Variants in ZFHX3 observed in about 807,000 individuals in gnomAD.
ZFHX3 encodes zinc finger homeobox protein 3.
In ZFHX3, 42 loss-of-function variants were observed where a neutral mutation model predicts 279.1. The observed-to-expected ratio is 0.15, with a 90% CI of 0.12 to 0.19. The LOEUF is 0.19. Ranked by LOEUF, ZFHX3 falls within the 10% of genes least tolerant of loss-of-function variation. The pLI is 1.00. For missense variants in ZFHX3, 4,981 were observed against 4,754.0 expected, an observed-to-expected ratio of 1.05 and a Z score of -1.40; for synonymous variants, 2,293 against 1,957.8, an observed-to-expected ratio of 1.17 and a Z score of -4.52.
chr16:73,261,693 A>T (rs1485909167), intron 4 of ZFHX3, among the ~76,000 whole-genome samples: 241 of 25,612 alleles, frequency 9.4e-3, no homozygotes, highest in Non-Finnish European at 0.016. Context: ...TTTTTTTTTT[A>T]GGACAGAGTT....
At chr16:73,726,485 T>C (rs1015650668) in intron 1 of ZFHX3, among the ~76,000 whole-genome samples, 4 of 152,174 alleles carry the variant, frequency 2.6e-5, no homozygotes, top group Non-Finnish European at 5.9e-5. Context: ...TTGTAGGATG[T>C]TTAAAGCTAT....
At chr16:73,326,136 C>A (rs2015684072) in intron 3 of ZFHX3, among the ~76,000 whole-genome samples, 1 of 152,190 alleles carries the variant, frequency 6.6e-6, no homozygotes, top group South Asian at 2.1e-4. Flanking sequence ...TGCCCATGGT[C>A]TCAGGGTCTG....
At chr16:73,467,928 C>T (rs2018600941) in intron 2 of ZFHX3, among the ~76,000 whole-genome samples, 1 of 152,160 alleles carries the variant, frequency 6.6e-6, no homozygotes, top group Non-Finnish European at 1.5e-5. Flanking sequence ...AGCTATGAAC[C>T]CAGCCTGTGG....
chr16:72,931,190 T>C (rs1310194969), intron 3 of ZFHX3, among the ~76,000 whole-genome samples: 1 of 152,182 alleles, frequency 6.6e-6, no homozygotes, highest in Non-Finnish European at 1.5e-5. Context: ...TTTTCAAGTA[T>C]ACTTTCCAGA....
intron 1 of ZFHX3, among the ~76,000 whole-genome samples, chr16:73,732,020 A>G (rs770107839): frequency 2.6e-5 from 4 of 152,206 alleles, no homozygotes; most frequent in African/African-American, 4.8e-5. Flanking sequence ...GCATGTTTTT[A>G]TTTGTAGCAA....
At chr16:73,337,619 G>T (rs1205842145) in intron 3 of ZFHX3, among the ~76,000 whole-genome samples, 2 of 151,768 alleles carry the variant, frequency 1.3e-5, no homozygotes, top group African/African-American at 4.8e-5. Context: ...CTCCATCCCT[G>T]CTTGCCATTA....
chr16:73,621,578 G>T (rs77706802), intron 2 of ZFHX3, among the ~76,000 whole-genome samples: 11,373 of 152,226 alleles, frequency 0.075, 471 homozygotes, highest in Non-Finnish European at 0.085. Context: ...GGCTAGCACA[G>T]CATCGGGGAG....
At chr16:73,333,616 T>C (rs1479690074) in intron 3 of ZFHX3, among the ~76,000 whole-genome samples, 1 of 150,652 alleles carries the variant, frequency 6.6e-6, no homozygotes, top group African/African-American at 2.4e-5. Context: ...ATAACGAGGG[T>C]GGATGTGTGG....
At chr16:73,546,845 G>A (rs1164840551) in intron 2 of ZFHX3, among the ~76,000 whole-genome samples, 1 of 151,930 alleles carries the variant, frequency 6.6e-6, no homozygotes, top group Admixed American at 6.6e-5. Flanking sequence ...GGGAGGCAGA[G>A]CAGAGACTGT....
At chr16:73,556,993 G>C (rs1292103795) in intron 2 of ZFHX3, among the ~76,000 whole-genome samples, 2 of 150,634 alleles carry the variant, frequency 1.3e-5, no homozygotes, top group Admixed American at 6.7e-5. Context: ...TACTCAGGAG[G>C]CTGAGGCAGG....
chr16:72,831,340 T>A (rs904088145), intron 4 of ZFHX3, among the ~76,000 whole-genome samples: 1 of 152,154 alleles, frequency 6.6e-6, no homozygotes, highest in Non-Finnish European at 1.5e-5. Flanking sequence ...AGGGAGTTTA[T>A]GAGGCAGTCA....
intron 5 of ZFHX3, among the ~76,000 whole-genome samples, chr16:73,229,926 G>A (rs1181482898): frequency 6.6e-6 from 1 of 152,112 alleles, no homozygotes; most frequent in Non-Finnish European, 1.5e-5. Flanking sequence ...AAGTAAAAAG[G>A]GATTGGTAAC....
chr16:73,033,144 G>A (rs1191906766), intron 1 of ZFHX3, among the ~76,000 whole-genome samples: 1 of 152,138 alleles, frequency 6.6e-6, no homozygotes, highest in Non-Finnish European at 1.5e-5. Context: ...TCCATGGACA[G>A]GTGACCTCAG....
intron 6 of ZFHX3, among the ~76,000 whole-genome samples, chr16:73,142,823 ATAC>A (rs1966851051): frequency 6.6e-6 from 1 of 152,214 alleles, no homozygotes; most frequent in Non-Finnish European, 1.5e-5. Context: ...TATAGGTCAG[ATAC>A]TACTATGTCC....
intron 1 of ZFHX3, among the ~76,000 whole-genome samples, chr16:73,694,640 C>A (rs992092364): frequency 2.0e-5 from 3 of 152,122 alleles, no homozygotes; most frequent in Non-Finnish European, 4.4e-5. Context: ...CTGTGCCTGG[C>A]CAAAAATTTT....
intron 2 of ZFHX3, among the ~76,000 whole-genome samples, chr16:73,538,409 G>C (rs1196981196): frequency 1.3e-5 from 2 of 152,122 alleles, no homozygotes; most frequent in Non-Finnish European, 2.9e-5. Context: ...TTTCAGCTCT[G>C]AAGGTATCAT....
At chr16:73,136,134 G>T (rs1966786287) in intron 6 of ZFHX3, among the ~76,000 whole-genome samples, 1 of 152,170 alleles carries the variant, frequency 6.6e-6, no homozygotes, top group Admixed American at 6.5e-5. Context: ...GGGATTACAG[G>T]CGTGATTATT....
At chr16:73,160,923 C>T (rs1967220187) in intron 5 of ZFHX3, among the ~76,000 whole-genome samples, 1 of 152,010 alleles carries the variant, frequency 6.6e-6, no homozygotes, top group Admixed American at 6.6e-5. Context: ...GGTGCCCTCT[C>T]ACAGACACTC....
chr16:73,007,046 G>T (rs1963733020), intron 1 of ZFHX3, among the ~76,000 whole-genome samples: 1 of 152,154 alleles, frequency 6.6e-6, no homozygotes, highest in Non-Finnish European at 1.5e-5. Flanking sequence ...CAGAACGGGT[G>T]ACTATGAAGG....
Sources: gnomAD v4.1 joint callset for allele counts (sites outside exome capture counted in the v4.1 genomes callset) on GRCh38, gnomAD v4.1.1 for gene constraint, MANE v1.5 for transcripts, NCBI Gene and HGNC (gene_info 2026-07-23, HGNC 2026-07-21) for gene names.